ADARB2: variants seen among roughly 807,000 people sequenced by gnomAD.
ADARB2 encodes the protein adenosine deaminase RNA specific B2 (inactive), also known as inactive double-stranded RNA-specific editase B2.
Under a neutral mutation model 62.2 loss-of-function variants are expected in ADARB2, and 25 were observed. The ratio of observed to expected loss-of-function variants is 0.40; its 90% CI spans 0.29 to 0.56. The LOEUF is 0.56. ADARB2 is among the 20% of genes least tolerant of loss of function. The probability of loss-of-function intolerance (pLI) is 0.43; values close to 1 mark genes in which losing one functional copy is unlikely to be tolerated. For synonymous variants in ADARB2, 572 were observed against 500.8 expected, an observed-to-expected ratio of 1.14 and a Z score of -1.90; for missense variants, 1,071 against 1,077.4, an observed-to-expected ratio of 0.99 and a Z score of 0.08.
intron 1 of ADARB2, among the ~76,000 whole-genome samples, chr10:1,589,785 A>T (rs1032410730): frequency 2.6e-5 from 4 of 152,210 alleles, no homozygotes; most frequent in East Asian, 1.9e-4. Context: ...GCAATTCTCC[A>T]GTCTCAGCCT....
At chr10:1,396,311 A>G (rs1196895958) in intron 1 of ADARB2, among the ~76,000 whole-genome samples, 1 of 151,944 alleles carries the variant, frequency 6.6e-6, no homozygotes, top group East Asian at 1.9e-4. Context: ...CCCCTCGGTG[A>G]CCCATCGCAG....
intron 4 of ADARB2, among the ~76,000 whole-genome samples, chr10:1,266,096 G>C (rs111319213): frequency 6.7e-6 from 1 of 149,760 alleles, no homozygotes; most frequent in Admixed American, 6.6e-5. Context: ...AGGGGGCCCA[G>C]GCTCTCCCGG....
At chr10:1,467,227 T>C (rs1469838009) in intron 1 of ADARB2, among the ~76,000 whole-genome samples, 2 of 152,174 alleles carry the variant, frequency 1.3e-5, no homozygotes, top group Non-Finnish European at 2.9e-5. Context: ...GTTTAGCTCT[T>C]CTCTACCAAT....
intron 1 of ADARB2, among the ~76,000 whole-genome samples, chr10:1,659,269 T>A (rs905515412): frequency 6.6e-6 from 1 of 152,150 alleles, no homozygotes; most frequent in East Asian, 1.9e-4. Context: ...AAAGACCGAA[T>A]CATTCCACAC....
intron 1 of ADARB2, among the ~76,000 whole-genome samples, chr10:1,385,980 A>G (rs187201302): frequency 8.2e-4 from 125 of 152,244 alleles, no homozygotes; most frequent in African/African-American, 2.9e-3. Flanking sequence ...CTCTTTAAAT[A>G]CAAGATAATG....
chr10:1,341,919 C>T (rs774202886), intron 3 of ADARB2, among the ~76,000 whole-genome samples: 55 of 152,254 alleles, frequency 3.6e-4, no homozygotes, highest in Non-Finnish European at 6.5e-4. Flanking sequence ...TTCCTTCAGG[C>T]GGAATGGGGC....
At chr10:1,270,878 G>T in intron 4 of ADARB2, 77 bp downstream of exon 4, 1 of 1,271,664 alleles carries the variant, frequency 7.9e-7, no homozygotes, top group South Asian at 1.3e-5. Context: ...GAGCCTTTTG[G>T]CCTCCAAGAT....
chr10:1,444,465 A>G (rs957392420), intron 1 of ADARB2, among the ~76,000 whole-genome samples: 2 of 139,092 alleles, frequency 1.4e-5, no homozygotes. Flanking sequence ...ATCTATCTAC[A>G]TTCTCCTTCC....
chr10:1,546,137 C>T (rs555363317), intron 1 of ADARB2, among the ~76,000 whole-genome samples: 1 of 152,198 alleles, frequency 6.6e-6, no homozygotes, highest in African/African-American at 2.4e-5. Flanking sequence ...CTGATGGCTC[C>T]CCCTAACTCT....
chr10:1,230,481 C>T (rs1414289715), intron 6 of ADARB2, among the ~76,000 whole-genome samples: 2 of 152,210 alleles, frequency 1.3e-5, no homozygotes, highest in Non-Finnish European at 2.9e-5. Flanking sequence ...CATGGTCCAA[C>T]CCTCTTTAAA....
chr10:1,248,404 C>G (rs887945509), intron 4 of ADARB2, among the ~76,000 whole-genome samples: 1 of 131,202 alleles, frequency 7.6e-6, no homozygotes. Context: ...AGGAAGTCCT[C>G]CTGAGGTCCC....
At chr10:1,335,164 C>T (rs1307481729) in intron 3 of ADARB2, among the ~76,000 whole-genome samples, 1 of 150,292 alleles carries the variant, frequency 6.7e-6, no homozygotes, top group African/African-American at 2.4e-5. Context: ...CTACCTGCGC[C>T]TGGGGCAGAT....
At chr10:1,400,405 C>T (rs1378914165) in intron 1 of ADARB2, among the ~76,000 whole-genome samples, 2 of 152,210 alleles carry the variant, frequency 1.3e-5, no homozygotes, top group African/African-American at 4.8e-5. Flanking sequence ...GAATCGCTGG[C>T]CTCTCACTGC....
intron 1 of ADARB2, among the ~76,000 whole-genome samples, chr10:1,450,511 CG>C (rs1831022933): frequency 6.6e-6 from 1 of 152,230 alleles, no homozygotes; most frequent in Non-Finnish European, 1.5e-5. Flanking sequence ...ATGCCTCCCT[CG>C]CCCCCTTGGA....
At chr10:1,615,335 C>A (rs894352730) in intron 1 of ADARB2, among the ~76,000 whole-genome samples, 1 of 152,170 alleles carries the variant, frequency 6.6e-6, no homozygotes, top group African/African-American at 2.4e-5. Context: ...TGTGCCTGCC[C>A]CTCCCCAGAG....
At position 1,596,520 on chromosome 10, in the gene ADARB2, A is replaced by AGCTGAGT. The variant is rs1199655889; in HGVS notation, c.100+140524_100+140530dup. Among the ~76,000 whole-genome samples, 4 of 152,318 alleles carry AGCTGAGT rather than the reference A, an allele frequency of 2.6e-5. No individual in the cohort carries two copies. In the East Asian group the frequency reaches 7.7e-4, roughly 29 times the overall value. ...TTCACGTGCAACCCCCTGCACTAAG[A>AGCTGAGT]GCTGAGTGAAGCCCCCTGGAGAGGC... On this transcript the variant is annotated intron_variant, in intron 1 of 9. Coordinates refer to ENST00000381312, the MANE Select transcript of ADARB2 (RefSeq NM_018702.4).
intron 1 of ADARB2, among the ~76,000 whole-genome samples, chr10:1,611,020 T>C (rs1035454396): frequency 3.3e-5 from 5 of 152,202 alleles, no homozygotes; most frequent in Non-Finnish European, 5.9e-5. Context: ...ATATGGTCCA[T>C]ACGACGACAT....
At chr10:1,641,573 A>G (rs897606244) in intron 1 of ADARB2, among the ~76,000 whole-genome samples, 3 of 152,204 alleles carry the variant, frequency 2.0e-5, no homozygotes, top group African/African-American at 7.2e-5. Context: ...GGTCTTAGGG[A>G]GCACCTGTTT....
At chr10:1,723,125 C>T (rs1381757005) in intron 1 of ADARB2, among the ~76,000 whole-genome samples, 1 of 152,254 alleles carries the variant, frequency 6.6e-6, no homozygotes, top group Non-Finnish European at 1.5e-5. Flanking sequence ...CATGCCCCTT[C>T]TCAGAAGGCC....
Sources: allele counts gnomAD v4.1 joint callset (sites outside exome capture counted in the v4.1 genomes callset), GRCh38; gene constraint gnomAD v4.1.1; transcripts MANE v1.5; gene names NCBI Gene and HGNC (gene_info 2026-07-23, HGNC 2026-07-21).